The following SLIT2 variants were observed in gnomAD, a reference collection of about 807,000 sequenced individuals.
SLIT2 encodes the protein slit guidance ligand 2.
Under a neutral mutation model 185.7 loss-of-function variants are expected in SLIT2, and 41 were observed. The ratio of observed to expected loss-of-function variants is 0.22; its 90% confidence interval spans 0.17 to 0.29. The LOEUF (loss-of-function observed/expected upper bound fraction) is 0.29, where lower values mean the gene tolerates loss of function less well. Ranked by LOEUF, SLIT2 falls within the 10% of genes least tolerant of loss-of-function variation. The pLI is 1.00. For synonymous variants in SLIT2, 693 were observed against 680.2 expected, an observed-to-expected ratio of 1.02 and a Z score of -0.29; for missense variants, 1,571 against 1,909.0, an observed-to-expected ratio of 0.82 and a Z score of 3.30.
chr4:20,421,830 C>T (rs1728194050), intron 4 of SLIT2, among the ~76,000 whole-genome samples: 1 of 152,148 alleles, frequency 6.6e-6, no homozygotes, highest in Admixed American at 6.5e-5. Context: ...CCCTCCTTCC[C>T]TTTCTCCATT....
intron 4 of SLIT2, among the ~76,000 whole-genome samples, chr4:20,428,025 C>T (rs1200504449): frequency 1.3e-5 from 2 of 152,236 alleles, no homozygotes; most frequent in African/African-American, 4.8e-5. Context: ...AAAGTCAGCA[C>T]GTTCATAATT....
rs1474628746 is a variant in SLIT2 at position 20,567,390 on chromosome 4, A to G, written c.2850+4A>G. 6.2e-7 allele frequency: 1 copy of G among 1,613,154 alleles called. No individual in the cohort carries two copies. Among genetic ancestry groups the G allele is most frequent in the South Asian group, 1.1e-5 (1 of 91,014 alleles). On this transcript the variant is annotated splice_donor_region_variant and intron_variant, in intron 27 of 36. Transcript: ENST00000504154. ...CACCTGTCCATATGGTTTCAAGGTAAGTAAAAGCACTTTAAGAGTCACAGT... is the reference window on the plus strand; with the variant it reads ...CACCTGTCCATATGGTTTCAAGGTAGGTAAAAGCACTTTAAGAGTCACAGT...
chr4:20,426,123 T>C (rs988364768), intron 4 of SLIT2, among the ~76,000 whole-genome samples: 13 of 152,300 alleles, frequency 8.5e-5, no homozygotes, highest in African/African-American at 2.6e-4. Flanking sequence ...GCATCCTCAG[T>C]GTGTAGTGTG....
At chr4:20,467,957 A>G in intron 5 of SLIT2, 134 bp downstream of exon 5, 1 of 467,332 alleles carries the variant, frequency 2.1e-6, no homozygotes, top group Non-Finnish European at 3.8e-6. Flanking sequence ...GAGACCTTGT[A>G]ACAGTAAGTT....
In SLIT2 at chr4:20,472,738, GTTTTCAAGTATCTA is replaced by G. The variant is rs1715699538; in HGVS notation, c.467+4918_467+4931del. 1.4e-5 allele frequency among the ~76,000 whole-genome samples: 2 copies of G among 146,752 alleles called. 1 individual carries two copies. Among genetic ancestry groups the G allele is most frequent in the Admixed American group, 1.4e-4 (2 of 14,364 alleles). On this transcript the variant is annotated intron_variant, in intron 5 of 36. Coordinates refer to ENST00000504154, the MANE Select transcript of SLIT2 (RefSeq NM_004787.4). ...TCATGTTACATTGTGCCACTGATTT[GTTTTCAAGTATCTA>G]TTAGGCATTTCCATTAATTGAGAAT... is the stretch of plus-strand genomic sequence containing the variant.
At chr4:20,427,988 C>G (rs1374700867) in intron 4 of SLIT2, among the ~76,000 whole-genome samples, 1 of 152,146 alleles carries the variant, frequency 6.6e-6, no homozygotes, top group African/African-American at 2.4e-5. Flanking sequence ...TTACTTCTCA[C>G]TCATCTCATC....
At chr4:20,498,303 T>C (rs1386497718) in intron 9 of SLIT2, among the ~76,000 whole-genome samples, 1 of 152,230 alleles carries the variant, frequency 6.6e-6, no homozygotes, top group Non-Finnish European at 1.5e-5. Context: ...AGCTGTTTGC[T>C]GCCTTGGGGT....
intron 2 of SLIT2, 72 bp downstream of exon 2, chr4:20,256,815 T>C (rs188871506): frequency 2.4e-4 from 169 of 697,038 alleles, no homozygotes; most frequent in Admixed American, 5.0e-4. Context: ...GGCCTCAGTT[T>C]TTATGACTAT....
chr4:20,403,169 CAT>C (rs1356083917), intron 4 of SLIT2, among the ~76,000 whole-genome samples: 1 of 151,820 alleles, frequency 6.6e-6, no homozygotes, highest in Non-Finnish European at 1.5e-5. Flanking sequence ...CTATGTCATA[CAT>C]TTTTTTAAGT....
At chr4:20,407,474 A>G (rs1355967928) in intron 4 of SLIT2, among the ~76,000 whole-genome samples, 1 of 152,176 alleles carries the variant, frequency 6.6e-6, no homozygotes, top group Non-Finnish European at 1.5e-5. Context: ...TCCTTGACTT[A>G]CCAAATGATA....
At chr4:20,385,039 A>C (rs1724822909) in intron 4 of SLIT2, among the ~76,000 whole-genome samples, 1 of 152,096 alleles carries the variant, frequency 6.6e-6, no homozygotes, top group Non-Finnish European at 1.5e-5. Flanking sequence ...CTTTCTGACG[A>C]TCTCTTCTTG....
At chr4:20,515,420 T>G (rs890243874) in intron 11 of SLIT2, among the ~76,000 whole-genome samples, 2 of 152,190 alleles carry the variant, frequency 1.3e-5, no homozygotes, top group Non-Finnish European at 2.9e-5. Context: ...ACTATTTTAA[T>G]TCACTTACTC....
At chr4:20,339,626 C>G (rs1040576296) in intron 4 of SLIT2, among the ~76,000 whole-genome samples, 4 of 152,166 alleles carry the variant, frequency 2.6e-5, no homozygotes, top group African/African-American at 9.7e-5. Flanking sequence ...TGGCATTACT[C>G]TTTCTAGGTA....
chr4:20,308,838 A>G (rs1056616315), intron 4 of SLIT2, among the ~76,000 whole-genome samples: 4 of 152,206 alleles, frequency 2.6e-5, no homozygotes, highest in Non-Finnish European at 5.9e-5. Flanking sequence ...AAACAAACAT[A>G]TATTTACCTT....
At chr4:20,368,340 A>G (rs1471374593) in intron 4 of SLIT2, among the ~76,000 whole-genome samples, 1 of 151,564 alleles carries the variant, frequency 6.6e-6, no homozygotes, top group African/African-American at 2.4e-5. Context: ...TAATAATAAA[A>G]TTTAAAAAAA....
At chr4:20,586,380 C>T (rs1273330006) in intron 29 of SLIT2, among the ~76,000 whole-genome samples, 1 of 152,066 alleles carries the variant, frequency 6.6e-6, no homozygotes, top group Non-Finnish European at 1.5e-5. Context: ...AGAGCTCTTG[C>T]CTTAAAAAGC....
chr4:20,573,112 G>T (rs1291331285), intron 29 of SLIT2: 6 of 682,820 alleles, frequency 8.8e-6, no homozygotes, highest in South Asian at 7.6e-5. Context: ...TCCAAGCCTT[G>T]CTTCAGCTTG....
intron 5 of SLIT2, among the ~76,000 whole-genome samples, chr4:20,468,767 A>G (rs1041437908): frequency 2.0e-5 from 3 of 151,938 alleles, no homozygotes; most frequent in Non-Finnish European, 4.4e-5. Context: ...GGAATTTAAT[A>G]TTTCTTAGCT....
chr4:20,448,166 A>G (rs751451991), intron 4 of SLIT2, among the ~76,000 whole-genome samples: 1 of 152,158 alleles, frequency 6.6e-6, no homozygotes, highest in Non-Finnish European at 1.5e-5. Context: ...ATCCTTCGAG[A>G]TATTAACTCA....
Sources: gnomAD v4.1 joint callset for allele counts (sites outside exome capture counted in the v4.1 genomes callset) on GRCh38, gnomAD v4.1.1 for gene constraint, MANE v1.5 for transcripts, NCBI Gene and HGNC (gene_info 2026-07-23, HGNC 2026-07-21) for gene names.